Variants in CA6 observed in about 807,000 individuals in gnomAD.
The protein encoded by CA6 is carbonic anhydrase 6.
In CA6, 28 loss-of-function variants were observed where a neutral mutation model predicts 35.9. The observed-to-expected ratio is 0.78, with a 90% CI of 0.58 to 1.07. The LOEUF (loss-of-function observed/expected upper bound fraction) is 1.07, where lower values mean the gene tolerates loss of function less well. Ranked by LOEUF, CA6 falls within the 50% of genes least tolerant of loss-of-function variation. CA6 has a pLI of 0.00. For synonymous variants in CA6, 148 were observed against 152.6 expected (o/e 0.97, Z 0.22); for missense variants, 377 against 382.0 (o/e 0.99, Z 0.11).
chr1:8,946,716 TG>T (rs1406335436), intron 1 of CA6, among the ~76,000 whole-genome samples: 1 of 151,880 alleles, frequency 6.6e-6, no homozygotes, highest in Non-Finnish European at 1.5e-5. Context: ...GGAAATTTCA[TG>T]GTAGGCAGTT....
rs1173408031 is a variant in CA6, at chr1:8,973,710, C to CTCTTTCTTTCTT, written c.845-846_845-835dup. ...CTCAGGCCTGGATTTTTCTTTCTCT[C>CTCTTTCTTTCTT]TCTTTCTTTCTTTCTTTCTTTCTTT... On this transcript the variant is annotated intron_variant, in intron 7 of 7. Coordinates refer to ENST00000377443, the MANE Select transcript of CA6 (RefSeq NM_001215.4). Among the ~76,000 whole-genome samples the CTCTTTCTTTCTT allele has an allele frequency of 4.9e-4, 52 of 106,500 alleles. 3 individuals carry two copies. The highest frequency in any genetic ancestry group is 8.3e-4 in the Admixed American group (8 of 9,684). 69.9% of individuals were successfully genotyped at this position (106,500 alleles called of 152,430 possible).
intron 5 of CA6, among the ~76,000 whole-genome samples, chr1:8,962,866 A>G (rs1191578914): frequency 6.6e-6 from 1 of 152,190 alleles, no homozygotes. Context: ...AAGCCTGTGC[A>G]TAAATTCGAT....
chr1:8,974,873 T>A lies in CA6; in HGVS notation c.*169T>A. ...ATTCTGATTAAAAGAGGGGAAACGA[T>A]CATCCTGGACAGGAAGTGAGATGGC... On this transcript the variant is annotated 3_prime_UTR_variant, in exon 8 of 8. Transcript: ENST00000377443. 3.9e-6 allele frequency: 2 copies of A among 519,136 alleles called. No homozygotes were observed. The highest frequency in any genetic ancestry group is 6.7e-6 in the Non-Finnish European group (2 of 297,636). The allele number at this position is 519,136 out of a possible 1,614,324, so 32.2% of individuals were successfully genotyped here.
chr1:8,956,546 G>C (rs1445013336), intron 2 of CA6, among the ~76,000 whole-genome samples: 5 of 152,098 alleles, frequency 3.3e-5, no homozygotes, highest in African/African-American at 1.2e-4. Flanking sequence ...TGTAGTTCCA[G>C]CTACTCGGGA....
chr1:8,949,537 G>C, intron 2 of CA6, 95 bp downstream of exon 2: 1 of 1,104,592 alleles, frequency 9.1e-7, no homozygotes, highest in South Asian at 1.4e-5. Context: ...CTTGCACAGA[G>C]ACACAGAGCA....
intron 2 of CA6, among the ~76,000 whole-genome samples, chr1:8,950,138 C>T (rs956237969): frequency 2.0e-4 from 29 of 148,552 alleles, no homozygotes; most frequent in Non-Finnish European, 4.0e-4. Context: ...CACCACCATG[C>T]CCAGCTAATT....
chr1:8,967,365 C>T (rs1162723718), intron 5 of CA6, among the ~76,000 whole-genome samples: 1 of 152,156 alleles, frequency 6.6e-6, no homozygotes, highest in Non-Finnish European at 1.5e-5. Flanking sequence ...CCTTCTTACC[C>T]TCACAACAAT....
intron 2 of CA6, among the ~76,000 whole-genome samples, chr1:8,956,867 G>A (rs1184202582): frequency 1.2e-4 from 18 of 152,178 alleles, no homozygotes; most frequent in Admixed American, 1.2e-3. Context: ...TGGCCTGTTG[G>A]TTCTGGGCGG....
chr1:8,972,298 C>A (rs959939296), intron 7 of CA6, among the ~76,000 whole-genome samples: 8 of 151,990 alleles, frequency 5.3e-5, no homozygotes, highest in African/African-American at 1.9e-4. Flanking sequence ...CAATCCTCCC[C>A]CCTCAGCCTC....
chr1:8,974,432 C>T, intron 7 of CA6, 190 bp from the exon 8 acceptor site: 1 of 1,528,728 alleles, frequency 6.5e-7, no homozygotes, highest in Non-Finnish European at 8.7e-7. Flanking sequence ...CTCTGGGCAG[C>T]TTAGAAGCCT....
intron 6 of CA6, 63 bp from the exon 7 acceptor site, chr1:8,970,804 T>A (rs1640089062): frequency 9.3e-7 from 1 of 1,071,108 alleles, no homozygotes; most frequent in East Asian, 2.4e-5. Context: ...CCGGGCCAAC[T>A]GTTATTTCTT....
chr1:8,957,762 A>G (rs975153386), intron 3 of CA6, among the ~76,000 whole-genome samples: 2 of 149,270 alleles, frequency 1.3e-5, no homozygotes, highest in African/African-American at 5.0e-5. Context: ...CAGCCTGGGC[A>G]ATGTAGCGAG....
rs34265054 is a variant in CA6 at position 8,949,293 on chromosome 1, A to T, written c.110A>T (p.Gln37Leu). The T allele has an allele frequency of 7.9e-3, 12,697 of 1,611,238 alleles. 933 individuals are homozygous for T. The African/African-American group carries it at 0.15, about 19-fold the overall frequency. Residue 37 changes from glutamine to leucine, a missense_variant, in exon 2 of 8, where the codon CAG becomes CTG. Physicochemically the swap from Gln to Leu is moderately radical, Grantham distance 113 (BLOSUM62 -2). Transcript: ENST00000377443. Reference protein sequence around the residue: ...EGALDEAHWPQHYPACGGQRQ... With the variant: ...EGALDEAHWPLHYPACGGQRQ... ...GCACTGGACGAAGCGCACTGGCCAC[A>T]GCACTACCCCGCCTGTGGGGGCCAG...
chr1:8,964,135 T>C (rs1326460121), intron 5 of CA6, among the ~76,000 whole-genome samples: 1 of 152,214 alleles, frequency 6.6e-6, no homozygotes, highest in Admixed American at 6.5e-5. Flanking sequence ...ATCCCTGCTC[T>C]TGTCAACACC....
chr1:8,950,420 G>C (rs564011619), intron 2 of CA6, among the ~76,000 whole-genome samples: 13 of 152,202 alleles, frequency 8.5e-5, no homozygotes, highest in African/African-American at 3.1e-4. Flanking sequence ...TCAGGAGGTC[G>C]AGGGACTCAC....
At chr1:8,957,090 C>G in intron 2 of CA6, 47 bp from the exon 3 acceptor site, 5 of 1,529,648 alleles carry the variant, frequency 3.3e-6, no homozygotes, top group South Asian at 2.5e-5. Context: ...AGGCCTGACC[C>G]CTCTGTGTTC....
chr1:8,959,103 T>A, intron 4 of CA6, 101 bp downstream of exon 4: 1 of 714,518 alleles, frequency 1.4e-6, no homozygotes, highest in South Asian at 1.7e-5. Context: ...TTATCACTCT[T>A]CATCTTTTCC....
Position 8,957,147 on chromosome 1 carries a change from C to A in CA6, c.270C>A (p.Ser90Arg), listed in dbSNP as rs1639707412. The change falls in exon 3 of 8, where the codon AGC (serine) becomes AGA (arginine). Residue 90 changes from serine (S) to arginine (R), a missense_variant. By Grantham distance (110) the Ser-to-Arg change is moderately radical. Coordinates refer to ENST00000377443, the MANE Select transcript of CA6 (RefSeq NM_001215.4). Reference sequence around the variant, plus strand: ...ACCTTGTCTCTCCAGTGCAGATCAGCCTGCCCTCCACCATGCGCATGACAG... The same window carrying A: ...ACCTTGTCTCTCCAGTGCAGATCAGACTGCCCTCCACCATGCGCATGACAG... ...MVNNGHTVQISLPSTMRMTVA... is the reference protein window; with the variant it reads ...MVNNGHTVQIRLPSTMRMTVA... The A allele has an allele frequency of 9.3e-6, 15 of 1,608,882 alleles. No homozygotes were observed. The highest frequency in any genetic ancestry group is 1.3e-5 in the Non-Finnish European group (15 of 1,176,802).
chr1:8,948,077 A>G (rs1360400410), intron 1 of CA6, among the ~76,000 whole-genome samples: 1 of 151,880 alleles, frequency 6.6e-6, no homozygotes, highest in Non-Finnish European at 1.5e-5. Flanking sequence ...CGAGCTCCCA[A>G]CCTTAGGTGA....
Sources: allele counts gnomAD v4.1 joint callset (sites outside exome capture counted in the v4.1 genomes callset), GRCh38; gene constraint gnomAD v4.1.1; transcripts MANE v1.5; gene names NCBI Gene and HGNC (gene_info 2026-07-23, HGNC 2026-07-21).